The following PARD3 variants were observed in gnomAD, a reference collection of about 807,000 sequenced individuals.
PARD3 encodes the protein partitioning defective 3 homolog.
PARD3 carries 75 observed loss-of-function variants against 155.4 expected under a neutral mutation model. The observed-to-expected ratio is 0.48, with a 90% CI of 0.40 to 0.58. The LOEUF is 0.58. Ranked by LOEUF, PARD3 falls within the 20% of genes least tolerant of loss-of-function variation. PARD3 has a pLI of 0.00. For synonymous variants in PARD3, 576 were observed against 610.5 expected, an observed-to-expected ratio of 0.94 and a Z score of 0.83; for missense variants, 1,642 against 1,721.7, an observed-to-expected ratio of 0.95 and a Z score of 0.82.
intron 22 of PARD3, among the ~76,000 whole-genome samples, chr10:34,210,516 T>C (rs535434639): frequency 2.8e-4 from 42 of 152,264 alleles, no homozygotes; most frequent in African/African-American, 1.0e-3. Flanking sequence ...CTCAAGGTGT[T>C]ATGACCTTTC....
intron 2 of PARD3, among the ~76,000 whole-genome samples, chr10:34,628,084 C>T (rs2092073473): frequency 6.6e-6 from 1 of 152,182 alleles, no homozygotes; most frequent in South Asian, 2.1e-4. Flanking sequence ...AACCAATTCA[C>T]AATAAATGCA....
chr10:34,599,196 C>T (rs966750155), intron 2 of PARD3, among the ~76,000 whole-genome samples: 2 of 152,144 alleles, frequency 1.3e-5, no homozygotes, highest in Non-Finnish European at 2.9e-5. Context: ...TAACTCTTAG[C>T]GTAAGTATGG....
At chr10:34,447,911 T>C (rs1161510803) in intron 5 of PARD3, among the ~76,000 whole-genome samples, 2 of 152,146 alleles carry the variant, frequency 1.3e-5, no homozygotes, top group Admixed American at 1.3e-4. Context: ...ACAGCCTCTA[T>C]GAAACAGTAA....
chr10:34,569,202 C>T (rs2086189479), intron 2 of PARD3, among the ~76,000 whole-genome samples: 2 of 152,162 alleles, frequency 1.3e-5, no homozygotes, highest in South Asian at 2.1e-4. Flanking sequence ...CAAACATCAA[C>T]ATGTGGAAAT....
At chr10:34,276,664 G>A (rs761835262) in intron 21 of PARD3, among the ~76,000 whole-genome samples, 4 of 152,038 alleles carry the variant, frequency 2.6e-5, no homozygotes, top group Non-Finnish European at 4.4e-5. Context: ...AATAACCACC[G>A]AAGTGACCAA....
intron 3 of PARD3, among the ~76,000 whole-genome samples, chr10:34,486,655 G>A (rs908557642): frequency 2.6e-5 from 4 of 152,150 alleles, no homozygotes; most frequent in Non-Finnish European, 4.4e-5. Context: ...ACTGTCAAAG[G>A]TTGATGTGCA....
At chr10:34,215,809 G>T (rs556876206) in intron 22 of PARD3, among the ~76,000 whole-genome samples, 1 of 152,210 alleles carries the variant, frequency 6.6e-6, no homozygotes, top group Non-Finnish European at 1.5e-5. Flanking sequence ...TGTGTCACAC[G>T]CTGGCACAGG....
At chr10:34,777,856 AT>A in intron 1 of PARD3, among the ~76,000 whole-genome samples, 1 of 152,246 alleles carries the variant, frequency 6.6e-6, no homozygotes, top group East Asian at 1.9e-4. Flanking sequence ...TAATCAACTG[AT>A]TCCCTGAGGA....
At chr10:34,417,509 A>G (rs567749890) in intron 5 of PARD3, among the ~76,000 whole-genome samples, 1 of 152,298 alleles carries the variant, frequency 6.6e-6, no homozygotes, top group African/African-American at 2.4e-5. Context: ...TTATTTTTGA[A>G]TCATTATGAT....
chr10:34,723,810 AG>A (rs1232190587), intron 1 of PARD3, among the ~76,000 whole-genome samples: 2 of 152,188 alleles, frequency 1.3e-5, no homozygotes, highest in Admixed American at 6.5e-5. Context: ...AGCACACCGC[AG>A]GGATGCAGGA....
chr10:34,647,788 G>A (rs2092889523), intron 2 of PARD3, among the ~76,000 whole-genome samples: 2 of 152,162 alleles, frequency 1.3e-5, no homozygotes, highest in Admixed American at 1.3e-4. Flanking sequence ...AGAAATCGTA[G>A]GGTAGGTCAG....
intron 4 of PARD3, among the ~76,000 whole-genome samples, chr10:34,465,180 T>C (rs2077930022): frequency 2.0e-5 from 3 of 152,182 alleles, no homozygotes; most frequent in Admixed American, 2.0e-4. Context: ...TTTGTTGTTG[T>C]TCCAAATATT....
At chr10:34,449,065 C>T (rs1324500856) in intron 5 of PARD3, among the ~76,000 whole-genome samples, 3 of 139,720 alleles carry the variant, frequency 2.1e-5, no homozygotes, top group Admixed American at 1.4e-4. Flanking sequence ...ACTACAGGTG[C>T]CCGCCACCAC....
At chr10:34,722,260 T>C (rs1013579782) in intron 1 of PARD3, among the ~76,000 whole-genome samples, 3 of 152,014 alleles carry the variant, frequency 2.0e-5, no homozygotes, top group Admixed American at 2.0e-4. Context: ...TGTATATATA[T>C]AGACTGTTTA....
intron 20 of PARD3, among the ~76,000 whole-genome samples, chr10:34,286,664 A>T (rs1330764374): frequency 6.6e-6 from 1 of 152,222 alleles, no homozygotes; most frequent in Non-Finnish European, 1.5e-5. Flanking sequence ...GAAATGAAGA[A>T]GAGCAGCATC....
intron 20 of PARD3, among the ~76,000 whole-genome samples, chr10:34,286,404 A>G (rs1337520870): frequency 6.6e-6 from 1 of 152,234 alleles, no homozygotes; most frequent in Non-Finnish European, 1.5e-5. Context: ...GCTAAGGGGG[A>G]AAGCAAAGCA....
intron 5 of PARD3, chr10:34,426,702 A>G (rs1368425651): frequency 6.6e-6 from 1 of 152,158 alleles, no homozygotes; most frequent in South Asian, 2.1e-4. Context: ...TTAAAAATGT[A>G]GGAGACCTTC....
intron 22 of PARD3, among the ~76,000 whole-genome samples, chr10:34,215,288 G>C (rs763753377): frequency 4.6e-5 from 7 of 152,098 alleles, no homozygotes; most frequent in African/African-American, 1.7e-4. Flanking sequence ...TCCAGGTCTG[G>C]TTTCCATCAG....
chr10:34,420,745 C>T (rs1425787705), intron 5 of PARD3, among the ~76,000 whole-genome samples: 2 of 152,148 alleles, frequency 1.3e-5, no homozygotes. Flanking sequence ...GATGGCAATC[C>T]GTACTGTGTA....
Sources: gnomAD v4.1 joint callset for allele counts (sites outside exome capture counted in the v4.1 genomes callset) on GRCh38, gnomAD v4.1.1 for gene constraint, MANE v1.5 for transcripts, NCBI Gene and HGNC (gene_info 2026-07-23, HGNC 2026-07-21) for gene names.